Variants in CSMD3 observed in about 807,000 individuals in gnomAD.
The protein encoded by CSMD3 is CUB and Sushi multiple domains 3, also known as CUB and sushi domain-containing protein 3.
Under a neutral mutation model 435.2 loss-of-function variants are expected in CSMD3, and 177 were observed. That is an observed-to-expected ratio of 0.41 (90% confidence interval 0.36 to 0.46). The LOEUF (loss-of-function observed/expected upper bound fraction) is 0.46, where lower values mean the gene tolerates loss of function less well. Ranked by LOEUF, CSMD3 falls within the 20% of genes least tolerant of loss-of-function variation. The probability of loss-of-function intolerance (pLI) is 0.34; values close to 1 mark genes in which losing one functional copy is unlikely to be tolerated. For synonymous variants in CSMD3, 1,656 were observed against 1,520.5 expected (o/e 1.09, Z -2.07); for missense variants, 4,265 against 4,504.6 (o/e 0.95, Z 1.52).
intron 10 of CSMD3, among the ~76,000 whole-genome samples, chr8:112,877,076 G>T (rs901640683): frequency 6.6e-6 from 1 of 151,992 alleles, no homozygotes; most frequent in African/African-American, 2.4e-5. Context: ...TCTTCAAGGA[G>T]AACTACAAAC....
intron 23 of CSMD3, among the ~76,000 whole-genome samples, chr8:112,576,835 C>CATATATATATATATATATATATATAT (rs5894088): frequency 1.5e-4 from 11 of 71,570 alleles, no homozygotes; most frequent in African/African-American, 3.5e-4. Flanking sequence ...AGGCAGCATA[C>CATATATATATATATATATATATATAT]ATATATATAT....
chr8:113,343,417 T>C (rs1316023171), intron 1 of CSMD3, among the ~76,000 whole-genome samples: 1 of 152,124 alleles, frequency 6.6e-6, no homozygotes, highest in Non-Finnish European at 1.5e-5. Context: ...TCAATACAAA[T>C]TGTCCATTTG....
chr8:112,355,908 T>C (rs1212507592), intron 38 of CSMD3, among the ~76,000 whole-genome samples: 1 of 151,990 alleles, frequency 6.6e-6, no homozygotes, highest in East Asian at 1.9e-4. Context: ...AGAAGACACA[T>C]GAATGACCAA....
chr8:113,214,726 T>C (rs918167348), intron 3 of CSMD3, among the ~76,000 whole-genome samples: 4 of 151,884 alleles, frequency 2.6e-5, no homozygotes, highest in African/African-American at 7.2e-5. Context: ...GAATGGATAA[T>C]TTAATAAAGA....
intron 24 of CSMD3, among the ~76,000 whole-genome samples, chr8:112,571,891 A>AG (rs1829554411): frequency 6.6e-6 from 1 of 151,452 alleles, no homozygotes; most frequent in Admixed American, 6.6e-5. Context: ...AAAAAAAGAA[A>AG]GAAAGAAAGA....
chr8:112,417,130 C>T (rs1332296915), intron 32 of CSMD3, among the ~76,000 whole-genome samples: 1 of 152,138 alleles, frequency 6.6e-6, no homozygotes, highest in African/African-American at 2.4e-5. Flanking sequence ...TAAAGATTAT[C>T]AGCACTTATA....
chr8:112,719,297 G>T (rs951355425), intron 13 of CSMD3, among the ~76,000 whole-genome samples: 1 of 152,050 alleles, frequency 6.6e-6, no homozygotes, highest in Non-Finnish European at 1.5e-5. Flanking sequence ...AGGTATAAAG[G>T]TCAGCAACAT....
chr8:113,192,325 T>C (rs1481917733), intron 3 of CSMD3, among the ~76,000 whole-genome samples: 1 of 151,738 alleles, frequency 6.6e-6, no homozygotes, highest in Non-Finnish European at 1.5e-5. Flanking sequence ...GTTTTTTTTA[T>C]ATTTGACAAT....
chr8:113,347,708 A>G (rs1044629367), intron 1 of CSMD3, among the ~76,000 whole-genome samples: 2 of 152,258 alleles, frequency 1.3e-5, no homozygotes, highest in East Asian at 1.9e-4. Context: ...GTGACAGTCC[A>G]GCTCCCACCT....
chr8:112,597,760 CA>C (rs1420104295), intron 22 of CSMD3, among the ~76,000 whole-genome samples: 1 of 130,064 alleles, frequency 7.7e-6, no homozygotes, highest in Non-Finnish European at 1.6e-5. Context: ...GAGCCAAAGA[CA>C]AAAACCACAT....
intron 12 of CSMD3, among the ~76,000 whole-genome samples, chr8:112,818,446 A>G (rs1179072467): frequency 6.6e-6 from 1 of 152,206 alleles, no homozygotes; most frequent in African/African-American, 2.4e-5. Context: ...TGCCAAAATT[A>G]ACTCTCTAGC....
intron 1 of CSMD3, among the ~76,000 whole-genome samples, chr8:113,393,824 AT>A (rs2094471636): frequency 6.6e-6 from 1 of 152,008 alleles, no homozygotes; most frequent in Admixed American, 6.6e-5. Flanking sequence ...CCTTAATTTT[AT>A]TTTTTATAAA....
chr8:112,354,972 C>A (rs1228514068), intron 38 of CSMD3, among the ~76,000 whole-genome samples: 2 of 152,110 alleles, frequency 1.3e-5, no homozygotes, highest in African/African-American at 4.8e-5. Context: ...GCTATGGTAA[C>A]CAAAACAGCA....
Position 112,336,890 on chromosome 8 carries a change from A to T in CSMD3, c.6842-61T>A. The T allele has an allele frequency of 4.5e-6, 6 of 1,345,180 alleles. No individual in the cohort carries two copies. In the Admixed American group the frequency reaches 6.9e-5, roughly 15 times the overall value. 83.3% of individuals were successfully genotyped at this position (1,345,180 alleles called of 1,614,324 possible). ...AAATAACAATAAACTGACTGTGGAG[A>T]AAAAGGCAAACATTTCACATATCTT... On this transcript the variant is annotated intron_variant, in intron 43 of 70. Coordinates refer to ENST00000297405, the MANE Select transcript of CSMD3 (RefSeq NM_198123.2).
chr8:113,055,272 C>G (rs951274736), intron 5 of CSMD3, among the ~76,000 whole-genome samples: 1 of 152,272 alleles, frequency 6.6e-6, no homozygotes, highest in African/African-American at 2.4e-5. Flanking sequence ...TCCTCAGCCT[C>G]CTGAGTAGCT....
intron 10 of CSMD3, among the ~76,000 whole-genome samples, chr8:112,887,493 G>A (rs1301437148): frequency 6.6e-6 from 1 of 151,246 alleles, no homozygotes; most frequent in Non-Finnish European, 1.5e-5. Flanking sequence ...TGTAGTATGT[G>A]ATTTTTTTCA....
intron 4 of CSMD3, among the ~76,000 whole-genome samples, chr8:113,167,280 TTAGA>T (rs945854709): frequency 1.3e-5 from 2 of 152,194 alleles, no homozygotes; most frequent in Admixed American, 6.5e-5. Flanking sequence ...TTGGAACTAA[TTAGA>T]TAGTTTTGAG....
intron 36 of CSMD3, among the ~76,000 whole-genome samples, chr8:112,387,408 A>G (rs1830067377): frequency 6.6e-6 from 1 of 151,806 alleles, no homozygotes; most frequent in Admixed American, 6.6e-5. Context: ...AACCTAGGGT[A>G]GTAGCCAGAT....
chr8:112,840,422 G>A (rs1432440458), intron 11 of CSMD3, among the ~76,000 whole-genome samples: 1 of 151,680 alleles, frequency 6.6e-6, no homozygotes, highest in Non-Finnish European at 1.5e-5. Context: ...AAGCTGGAGA[G>A]AATAAGGAGG....
Sources: gnomAD v4.1 joint callset for allele counts (sites outside exome capture counted in the v4.1 genomes callset) on GRCh38, gnomAD v4.1.1 for gene constraint, MANE v1.5 for transcripts, NCBI Gene and HGNC (gene_info 2026-07-23, HGNC 2026-07-21) for gene names.